Variants in ABCC4 observed in about 807,000 individuals in gnomAD.
The protein encoded by ABCC4 is ATP binding cassette subfamily C member 4 (PEL blood group), also known as ATP-binding cassette sub-family C member 4.
A neutral mutation model predicts 168.5 loss-of-function variants in ABCC4; 102 were observed. The ratio of observed to expected loss-of-function variants is 0.61; its 90% CI spans 0.52 to 0.71. The LOEUF (loss-of-function observed/expected upper bound fraction) is 0.71, where lower values mean the gene tolerates loss of function less well. Among genes scored for constraint, ABCC4 ranks in the 30% least tolerant of loss-of-function variants. ABCC4 has a pLI of 0.00. For synonymous variants in ABCC4, 617 were observed against 590.7 expected, an observed-to-expected ratio of 1.04 and a Z score of -0.65; for missense variants, 1,402 against 1,605.8, an observed-to-expected ratio of 0.87 and a Z score of 2.17.
intron 30 of ABCC4, among the ~76,000 whole-genome samples, chr13:95,030,546 T>TTTAA (rs1474725250): frequency 6.6e-6 from 1 of 151,994 alleles, no homozygotes; most frequent in African/African-American, 2.4e-5. Context: ...TCTTTAAAGG[T>TTTAA]GTAATTAAGT....
At chr13:95,112,373 C>A (rs1301681038) in intron 20 of ABCC4, among the ~76,000 whole-genome samples, 1 of 151,446 alleles carries the variant, frequency 6.6e-6, no homozygotes, top group African/African-American at 2.4e-5. Flanking sequence ...AAGAAAGTCA[C>A]ATGGATAAAT....
intron 1 of ABCC4, among the ~76,000 whole-genome samples, chr13:95,249,715 A>G (rs1185321197): frequency 6.6e-6 from 1 of 152,130 alleles, no homozygotes; most frequent in Non-Finnish European, 1.5e-5. Context: ...TTCCAGCAGA[A>G]CCTCATACAG....
At chr13:95,040,245 T>C (rs753518616) in intron 29 of ABCC4, among the ~76,000 whole-genome samples, 29 of 152,250 alleles carry the variant, frequency 1.9e-4, no homozygotes, top group Non-Finnish European at 2.5e-4. Flanking sequence ...TCATTTTTTA[T>C]TTTTTGAGAT....
intron 20 of ABCC4, chr13:95,096,205 T>A (rs1310762835): frequency 1.6e-6 from 1 of 632,068 alleles, no homozygotes; most frequent in Admixed American, 2.7e-5. Flanking sequence ...AAAAACATAT[T>A]CAATGGGCTG....
chr13:95,161,316 A>C lies in ABCC4; in HGVS notation c.2328T>G (p.Val776=). ...ATAGAGATCTTGCTATGCCAAAAAGAACGGTAGCTACAGTTAAACCTGAAA... is the reference window on the plus strand; with the variant it reads ...ATAGAGATCTTGCTATGCCAAAAAGCACGGTAGCTACAGTTAAACCTGAAA... ...GIYSGLTVAT[V]LFGIARSLLV... The change falls in exon 19 of 31, where the codon GTT becomes GTG. Residue 776 remains valine (V), a synonymous_variant. Coordinates refer to ENST00000645237, the MANE Select transcript of ABCC4 (RefSeq NM_005845.5). The C allele has an allele frequency of 6.3e-7, 1 of 1,591,128 alleles. No individual in the cohort carries two copies.
At chr13:95,029,201 T>G (rs1176185106) in intron 30 of ABCC4, among the ~76,000 whole-genome samples, 27 of 66,354 alleles carry the variant, frequency 4.1e-4, no homozygotes, top group Admixed American at 3.6e-3. Flanking sequence ...TATATATATA[T>G]ATATATATAT....
At chr13:95,163,353 A>ATC (rs1327780129) in intron 17 of ABCC4, 137 bp from the exon 18 acceptor site, 3 of 677,076 alleles carry the variant, frequency 4.4e-6, no homozygotes, top group Non-Finnish European at 5.0e-6. Flanking sequence ...TCTTGTGTAT[A>ATC]TCTACCTTAT....
intron 6 of ABCC4, among the ~76,000 whole-genome samples, chr13:95,208,351 A>AAG (rs138205590): frequency 7.0e-6 from 1 of 142,674 alleles, no homozygotes; most frequent in Non-Finnish European, 1.5e-5. Context: ...AAAAAAAAAA[A>AAG]GCTTCAGAGG....
intron 27 of ABCC4, among the ~76,000 whole-genome samples, chr13:95,051,866 C>T (rs2032853053): frequency 1.3e-5 from 2 of 152,062 alleles, no homozygotes; most frequent in Non-Finnish European, 2.9e-5. Flanking sequence ...AGGGTTTCAC[C>T]AAGTTGGCCA....
At position 95,026,560 on chromosome 13, in the gene ABCC4, G is replaced by T. The variant is rs141096988; in HGVS notation, c.3871-4878C>A. On this transcript the variant is annotated intron_variant, in intron 30 of 30. Coordinates refer to ENST00000645237, the MANE Select transcript of ABCC4 (RefSeq NM_005845.5). ...AAAGTCTGAAAGACTGCACAATAAT[G>T]TCCTAGGAAAACTAATGACCCTTTC... 4.6e-5 allele frequency among the ~76,000 whole-genome samples: 7 copies of T among 152,244 alleles called. No homozygotes were observed. The East Asian group carries it at 1.4e-3, about 29-fold the overall frequency.
chr13:95,037,916 A>G (rs2032189993), intron 29 of ABCC4, among the ~76,000 whole-genome samples: 1 of 152,104 alleles, frequency 6.6e-6, no homozygotes, highest in Admixed American at 6.5e-5. Flanking sequence ...CCCAGACTGG[A>G]GTGCAGTGGT....
chr13:95,290,144 A>ATAGATAGG (rs1555342195), intron 1 of ABCC4, among the ~76,000 whole-genome samples: 32 of 151,362 alleles, frequency 2.1e-4, no homozygotes, highest in African/African-American at 7.3e-4. Flanking sequence ...AGATAGATAG[A>ATAGATAGG]TAGATGATAG....
chr13:95,218,987 GTGAGAAAGAAAGAA>G (rs146269917), intron 4 of ABCC4, among the ~76,000 whole-genome samples: 10,245 of 32,678 alleles, frequency 0.31, 1,308 homozygotes, highest in East Asian at 0.48. Context: ...GAAAGAAAGA[GTGAGAAAGAAAGAA>G]AGAGTGAGAA....
intron 30 of ABCC4, among the ~76,000 whole-genome samples, chr13:95,033,428 A>C (rs1004384593): frequency 2.6e-5 from 4 of 152,104 alleles, no homozygotes; most frequent in Admixed American, 2.6e-4. Flanking sequence ...TACAACTCTC[A>C]CCTCACAGAA....
chr13:95,088,991 T>C (rs1255657522), intron 20 of ABCC4, among the ~76,000 whole-genome samples: 1 of 152,048 alleles, frequency 6.6e-6, no homozygotes. Flanking sequence ...ATTATCATTA[T>C]CATGAATTAA....
At position 95,021,659 on chromosome 13, in the gene ABCC4, T is replaced by G; in HGVS notation, c.3894A>C (p.Pro1298=). 1 of 1,610,622 alleles carries G rather than the reference T, an allele frequency of 6.2e-7. No homozygotes were observed. Among genetic ancestry groups the G allele is most frequent in the Non-Finnish European group, 8.5e-7 (1 of 1,177,506 alleles). Residue 1298 remains proline, a synonymous_variant, in exon 31 of 31, where the codon CCA becomes CCC. Transcript: ENST00000645237. ...CCATGTGGTCAGTGTGACCAATATG[T>G]GGATAATTTCTTTTGAAGTATACCT... ...AKQVYFKRNY[P]HIGHTDHMVT...
At chr13:95,225,757 C>CAAATATAA (rs142527567) in intron 4 of ABCC4, among the ~76,000 whole-genome samples, 2 of 151,056 alleles carry the variant, frequency 1.3e-5, no homozygotes, top group Non-Finnish European at 3.0e-5. Context: ...TAAATGCTAA[C>CAAATATAA]AAATATAAAA....
chr13:95,183,977 C>T lies in ABCC4; in HGVS notation c.1545+2724G>A, dbSNP rs2139611952. On this transcript the variant is annotated intron_variant, in intron 11 of 30. Coordinates refer to ENST00000645237, the MANE Select transcript of ABCC4 (RefSeq NM_005845.5). ...TGGGCCAGACTCCTGCTCTGTTCGA[C>T]TTCTCCACCACCGGAGGCCCACCGT... Among the ~76,000 whole-genome samples the T allele has an allele frequency of 1.2e-4, 4 of 32,986 alleles. No homozygotes were observed. The East Asian group carries it at 1.8e-3, about 15-fold the overall frequency. 21.6% of individuals were successfully genotyped at this position (32,986 alleles called of 152,430 possible). A position where few individuals can be genotyped will look rare whatever the true frequency, so the allele number is the denominator to read the frequency against.
rs1324926663 is a variant in ABCC4, at chr13:95,218,947, A to C, written c.532-8166T>G. On this transcript the variant is annotated intron_variant, in intron 4 of 30. Transcript: ENST00000645237. ...AGAAAGAGAAAGAAAGAAAGAAAGA[A>C]AGAAAGAAAGAAAGAAAGAAAGAAA... Among the ~76,000 whole-genome samples the C allele has an allele frequency of 2.8e-3, 96 of 34,908 alleles. 8 individuals are homozygous for C. In the South Asian group the frequency reaches 0.039, roughly 14 times the overall value. The allele number at this position is 34,908 out of a possible 152,430, so 22.9% of individuals were successfully genotyped here.
Sources: allele counts gnomAD v4.1 joint callset (sites outside exome capture counted in the v4.1 genomes callset), GRCh38; gene constraint gnomAD v4.1.1; transcripts MANE v1.5; gene names NCBI Gene and HGNC (gene_info 2026-07-23, HGNC 2026-07-21).